Variants in RFFL observed in about 807,000 individuals in gnomAD.
RFFL encodes ring finger and FYVE like domain containing E3 ubiquitin protein ligase, also known as E3 ubiquitin-protein ligase rififylin.
Under a neutral mutation model 40.4 loss-of-function variants are expected in RFFL, and 16 were observed. That is an observed-to-expected ratio of 0.40 (90% CI 0.27 to 0.60). The LOEUF (loss-of-function observed/expected upper bound fraction) is 0.60, where lower values mean the gene tolerates loss of function less well. Among genes scored for constraint, RFFL ranks in the 20% least tolerant of loss-of-function variants. The pLI, the probability that RFFL is intolerant of heterozygous loss-of-function variation, is 0.47. For synonymous variants in RFFL, 154 were observed against 167.9 expected, an observed-to-expected ratio of 0.92 and a Z score of 0.64; for missense variants, 367 against 451.7, an observed-to-expected ratio of 0.81 and a Z score of 1.70.
At chr17:35,071,842 T>C (rs2091352486) in intron 1 of RFFL, among the ~76,000 whole-genome samples, 1 of 152,146 alleles carries the variant, frequency 6.6e-6, no homozygotes, top group Non-Finnish European at 1.5e-5. Flanking sequence ...GCCTGTGGTA[T>C]ATACACACCA....
chr17:35,014,334 A>AGAAG (rs2090959997), intron 6 of RFFL, among the ~76,000 whole-genome samples: 1 of 152,156 alleles, frequency 6.6e-6, no homozygotes, highest in African/African-American at 2.4e-5. Context: ...GGTTAGTACC[A>AGAAG]GAAGCTGCTA....
chr17:35,012,579 A>G (rs2142312117), intron 6 of RFFL, among the ~76,000 whole-genome samples: 1 of 152,364 alleles, frequency 6.6e-6, no homozygotes, highest in South Asian at 2.1e-4. Flanking sequence ...TTAGATAGAA[A>G]TGGAACTGTG....
intron 1 of RFFL, among the ~76,000 whole-genome samples, chr17:35,046,151 C>T (rs1282442171): frequency 1.3e-5 from 2 of 151,886 alleles, no homozygotes; most frequent in African/African-American, 2.4e-5. Context: ...ATTTCTTTGT[C>T]TGCTAAGATT....
At chr17:35,067,908 T>G (rs1228504086), upstream of RFFL, among the ~76,000 whole-genome samples, 1 of 152,168 alleles carries the variant, frequency 6.6e-6, no homozygotes, top group Non-Finnish European at 1.5e-5. Flanking sequence ...GTCCTAAACA[T>G]AAGTCCGCTC....
intron 1 of RFFL, among the ~76,000 whole-genome samples, chr17:35,084,196 G>C (rs2091417682): frequency 6.6e-6 from 1 of 152,158 alleles, no homozygotes. Context: ...CCGAGATCAT[G>C]CCACGCACTC....
intron 2 of RFFL, among the ~76,000 whole-genome samples, chr17:35,022,037 T>G (rs1436360650): frequency 2.6e-5 from 4 of 152,360 alleles, no homozygotes; most frequent in African/African-American, 7.2e-5. Flanking sequence ...AATTTGAGGC[T>G]TACTTTATTT....
Position 35,026,446 on chromosome 17 carries a change from G to C in RFFL, c.108C>G (p.Ser36=). Residue 36 remains serine (S), a synonymous_variant, in exon 2 of 7, where the codon TCC becomes TCG. Transcript: ENST00000394597. ...GTTCCAAGCCTGTTGGGGAAGGGAA[G>C]GAGCTGTACCCAGGGTTGGAATAGG... ...MQAYSNPGYS[S]FPSPTGLEPS... 2 of 1,613,996 alleles carry C rather than the reference G, an allele frequency of 1.2e-6. No homozygotes were observed. Among genetic ancestry groups the C allele is most frequent in the Non-Finnish European group, 1.7e-6 (2 of 1,179,904 alleles).
chr17:35,089,162 A>T (rs2091446469), exon 1 of RFFL: 1 of 151,966 alleles, frequency 6.6e-6, no homozygotes, highest in Non-Finnish European at 1.5e-5. Flanking sequence ...GAGGGGCCGG[A>T]TCCCGGCCGC....
chr17:35,012,369 G>A (rs1192735216), intron 6 of RFFL, among the ~76,000 whole-genome samples: 2 of 152,154 alleles, frequency 1.3e-5, no homozygotes, highest in Non-Finnish European at 1.5e-5. Flanking sequence ...CCTCCAACAG[G>A]TAAAGATTTG....
At chr17:35,044,368 C>G (rs2142349278) in intron 1 of RFFL, among the ~76,000 whole-genome samples, 1 of 152,334 alleles carries the variant, frequency 6.6e-6, no homozygotes, top group Admixed American at 6.5e-5. Flanking sequence ...TGAGCCAGCG[C>G]ACCTGGTCTA....
intron 1 of RFFL, among the ~76,000 whole-genome samples, chr17:35,056,067 A>G (rs2091259501): frequency 6.6e-6 from 1 of 151,512 alleles, no homozygotes; most frequent in East Asian, 1.9e-4. Context: ...ACGGATTTGC[A>G]GTTCCCTCTC....
intron 1 of RFFL, chr17:35,069,307 C>T (rs746937479): frequency 1.6e-4 from 72 of 456,662 alleles, no homozygotes; most frequent in Admixed American, 4.2e-4. Context: ...TGTTCATGTC[C>T]CCAAGTCTAG....
chr17:35,063,312 G>A (rs768362569), intron 1 of RFFL, among the ~76,000 whole-genome samples: 11 of 151,704 alleles, frequency 7.3e-5, no homozygotes, highest in Non-Finnish European at 8.8e-5. Context: ...AAAATTAGCC[G>A]GGCATGGTGG....
chr17:35,045,226 A>G (rs569796855), intron 1 of RFFL, among the ~76,000 whole-genome samples: 31 of 151,884 alleles, frequency 2.0e-4, no homozygotes, highest in African/African-American at 6.8e-4. Context: ...AACAGTTTGT[A>G]TAATTCTTTT....
intron 1 of RFFL, among the ~76,000 whole-genome samples, chr17:35,062,788 T>C (rs1229393800): frequency 2.0e-5 from 3 of 152,190 alleles, no homozygotes; most frequent in African/African-American, 7.2e-5. Context: ...AGAGATATCA[T>C]AGTCTGATTA....
At chr17:35,053,320 C>T (rs928896833) in intron 1 of RFFL, among the ~76,000 whole-genome samples, 3 of 152,030 alleles carry the variant, frequency 2.0e-5, no homozygotes, top group Admixed American at 1.3e-4. Flanking sequence ...TATTAATACA[C>T]GGGTATTTAA....
At chr17:35,078,580 G>A (rs1481086509) in intron 1 of RFFL, among the ~76,000 whole-genome samples, 1 of 152,172 alleles carries the variant, frequency 6.6e-6, no homozygotes, top group Admixed American at 6.5e-5. Flanking sequence ...AGAATTACAG[G>A]CATGAGCCAC....
At chr17:35,071,764 T>C (rs1310329391) in intron 1 of RFFL, among the ~76,000 whole-genome samples, 1 of 152,222 alleles carries the variant, frequency 6.6e-6, no homozygotes, top group African/African-American at 2.4e-5. Flanking sequence ...AAATGTTCAT[T>C]ATGGCTTCAT....
At chr17:35,073,150 C>T (rs987227222) in intron 1 of RFFL, among the ~76,000 whole-genome samples, 1 of 152,118 alleles carries the variant, frequency 6.6e-6, no homozygotes, top group African/African-American at 2.4e-5. Context: ...ATTTTGCAGT[C>T]TCTACTATGC....
Sources: allele counts gnomAD v4.1 joint callset (sites outside exome capture counted in the v4.1 genomes callset), GRCh38; gene constraint gnomAD v4.1.1; transcripts MANE v1.5; gene names NCBI Gene and HGNC (gene_info 2026-07-23, HGNC 2026-07-21).